The following MIER2 variants were observed in gnomAD, a reference collection of about 807,000 sequenced individuals.
MIER2 encodes MIER family member 2.
MIER2 carries 30 observed loss-of-function variants against 67.6 expected under a neutral mutation model. The ratio of observed to expected loss-of-function variants is 0.44; its 90% CI spans 0.33 to 0.60. The LOEUF is 0.60. Among genes scored for constraint, MIER2 ranks in the 20% least tolerant of loss-of-function variants. The pLI, the probability that MIER2 is intolerant of heterozygous loss-of-function variation, is 0.02. For synonymous variants in MIER2, 372 were observed against 312.6 expected (o/e 1.19, Z -2.00); for missense variants, 702 against 745.1 (o/e 0.94, Z 0.67).
At position 335,423 on chromosome 19, in the gene MIER2, C is replaced by T. The variant is rs11882136; in HGVS notation, c.100+660G>A. ...GGAATGACCTGGAGCTGAATGGGTG[C>T]GCCCGGACCCTCAGTGGCCACCGCA... On this transcript the variant is annotated intron_variant, in intron 2 of 13. Transcript: ENST00000264819. Among the ~76,000 whole-genome samples, 285 of 152,334 alleles carry T rather than the reference C, an allele frequency of 1.9e-3. 1 individual carries two copies. The highest frequency in any genetic ancestry group is 6.1e-3 in the African/African-American group (253 of 41,572).
chr19:344,174 C>A (rs940538951), intron 1 of MIER2: 6 of 985,334 alleles, frequency 6.1e-6, no homozygotes, highest in Non-Finnish European at 7.2e-6. Flanking sequence ...CCGACGCTCT[C>A]TAGGCCCCGG....
rs754078316 is a variant in MIER2 at position 334,545 on chromosome 19, G to A, written c.101-3C>T. ...GTCTCCAGAGCCCATGGACACCACT[G>A]GGGAGAAGAGAGCAGCCCAGGTGAG... On this transcript the variant is annotated splice_polypyrimidine_tract_variant and splice_region_variant and intron_variant, in intron 2 of 13. Transcript: ENST00000264819. 1.9e-5 allele frequency: 30 copies of A among 1,613,306 alleles called. No individual in the cohort carries two copies. The highest frequency in any genetic ancestry group is 5.9e-6 in the Non-Finnish European group (7 of 1,179,898).
rs1463888394 is a variant in MIER2, at chr19:308,675, GA to G, written c.1110-11del. On this transcript the variant is annotated splice_polypyrimidine_tract_variant and intron_variant, in intron 11 of 13. Coordinates refer to ENST00000264819, the MANE Select transcript of MIER2 (RefSeq NM_017550.3). This position sits in a 1 kb window ranked among gnomAD's most constrained non-coding sequence, Gnocchi z 9.1. Reference sequence around the variant, plus strand: ...GTCCTGGTCTGCGTCCCTGTGGGGAGAGGGCGCCATGAGGGGCGGCAGACAG... The same window carrying G: ...GTCCTGGTCTGCGTCCCTGTGGGGAGGGGCGCCATGAGGGGCGGCAGACAG... 6.2e-7 allele frequency: 1 copy of G among 1,600,488 alleles called. No homozygotes were observed. The highest frequency in any genetic ancestry group is 8.5e-7 in the Non-Finnish European group (1 of 1,175,018).
chr19:317,278 A>T (rs1055455718), intron 7 of MIER2, among the ~76,000 whole-genome samples: 4 of 151,994 alleles, frequency 2.6e-5, no homozygotes, highest in Non-Finnish European at 5.9e-5. Flanking sequence ...CTGTAATCCC[A>T]GCACTTTGGG....
intron 7 of MIER2, among the ~76,000 whole-genome samples, chr19:317,001 T>C (rs923820666): frequency 6.6e-6 from 1 of 152,132 alleles, no homozygotes; most frequent in African/African-American, 2.4e-5. Flanking sequence ...AGTCAATAAT[T>C]CATGTTGTAA....
At position 306,536 on chromosome 19, in the gene MIER2, G is replaced by T; in HGVS notation, c.*154C>A. 9.5e-7 allele frequency: 1 copy of T among 1,048,496 alleles called. No individual in the cohort carries two copies. The highest frequency in any genetic ancestry group is 1.4e-6 in the Non-Finnish European group (1 of 715,560). 64.9% of individuals were successfully genotyped at this position (1,048,496 alleles called of 1,614,324 possible). A position where few individuals can be genotyped will look rare whatever the true frequency, so the allele number is the denominator to read the frequency against. On this transcript the variant is annotated 3_prime_UTR_variant, in exon 14 of 14. Transcript: ENST00000264819. Reference sequence around the variant, plus strand: ...GACAGGGGCAAGGGCTCACGGCCCAGCCACCTCACCCCAGTCCTGACGTGT... The same window carrying T: ...GACAGGGGCAAGGGCTCACGGCCCATCCACCTCACCCCAGTCCTGACGTGT...
chr19:343,208 G>C (rs1254911660), intron 1 of MIER2, among the ~76,000 whole-genome samples: 2 of 152,198 alleles, frequency 1.3e-5, no homozygotes, highest in African/African-American at 4.8e-5. Flanking sequence ...CCTAGAGCAG[G>C]GCAGAACAGC....
chr19:334,310 C>G (rs1972144139), intron 3 of MIER2, 90 bp downstream of exon 3: 1 of 1,556,430 alleles, frequency 6.4e-7, no homozygotes, highest in Non-Finnish European at 8.7e-7. Flanking sequence ...TTAGCACTTA[C>G]CAATGTGGAA....
rs1317092654 is a variant in MIER2, at chr19:308,649, G to A, written c.1126C>T (p.Leu376=). 1 of 1,604,742 alleles carries A rather than the reference G, an allele frequency of 6.2e-7. No homozygotes were observed. The stretch of plus-strand genomic sequence containing the variant: ...GGGCCATCGGGGTCGCTGCCATCCA[G>A]GTCCTGGTCTGCGTCCCTGTGGGGA... ...PSGTTDADQD[L]DGSDPDGPGR... Residue 376 remains leucine, a synonymous_variant, in exon 12 of 14, where the codon CTG becomes TTG. Coordinates refer to ENST00000264819, the MANE Select transcript of MIER2 (RefSeq NM_017550.3). This position sits in a 1 kb window ranked among gnomAD's most constrained non-coding sequence, Gnocchi z 9.1.
intron 10 of MIER2, among the ~76,000 whole-genome samples, chr19:309,379 C>T (rs938075110): frequency 6.6e-6 from 1 of 152,118 alleles, no homozygotes; most frequent in Non-Finnish European, 1.5e-5. Flanking sequence ...GCCCCTTCCC[C>T]GGGAGGAAGA....
chr19:323,274 C>A (rs1314586590), intron 7 of MIER2, among the ~76,000 whole-genome samples: 1 of 134,546 alleles, frequency 7.4e-6, no homozygotes, highest in Non-Finnish European at 1.7e-5. Context: ...ACACACACAA[C>A]CACGGCATCC....
At chr19:342,957 G>A (rs1972569965) in intron 1 of MIER2, among the ~76,000 whole-genome samples, 1 of 152,004 alleles carries the variant, frequency 6.6e-6, no homozygotes, top group African/African-American at 2.4e-5. Context: ...GGCTCCTCAC[G>A]CTCAGCACCT....
At chr19:341,435 G>A (rs1194317456) in intron 1 of MIER2, among the ~76,000 whole-genome samples, 1 of 152,196 alleles carries the variant, frequency 6.6e-6, no homozygotes. Flanking sequence ...GGGCAAAGAG[G>A]GAAGCGGCTG....
chr19:307,730 T>C (rs1272261233), intron 12 of MIER2, among the ~76,000 whole-genome samples, 194 bp from the exon 13 acceptor site: 1 of 139,608 alleles, frequency 7.2e-6, no homozygotes, highest in African/African-American at 2.9e-5. Context: ...TAGAAGTAGA[T>C]TTTAGTTCAT....
chr19:326,876 A>C (rs928966075), intron 5 of MIER2: 1 of 586,022 alleles, frequency 1.7e-6, no homozygotes, highest in Non-Finnish European at 2.9e-6. Context: ...CGGTTCTGGG[A>C]ATGCTGTCCC....
At chr19:317,521 T>C (rs951746238) in intron 7 of MIER2, among the ~76,000 whole-genome samples, 4 of 111,810 alleles carry the variant, frequency 3.6e-5, no homozygotes, top group South Asian at 7.0e-4. Context: ...AGCGAGACTC[T>C]GTCTCAGAAA....
chr19:314,685 C>T (rs775515290), intron 7 of MIER2, among the ~76,000 whole-genome samples: 9 of 151,928 alleles, frequency 5.9e-5, no homozygotes, highest in African/African-American at 7.3e-5. Flanking sequence ...TCTCCACAGG[C>T]GACACCTGAG....
chr19:336,230 TCA>T, intron 1 of MIER2, 57 bp from the exon 2 acceptor site: 2 of 1,434,114 alleles, frequency 1.4e-6, no homozygotes, highest in Admixed American at 1.8e-5. Flanking sequence ...CTGCTGGACA[TCA>T]CAGTGTGGCA....
chr19:326,804 C>G, intron 5 of MIER2: 2 of 590,852 alleles, frequency 3.4e-6, no homozygotes, highest in Non-Finnish European at 3.0e-6. Flanking sequence ...GCAGCTGCTG[C>G]ACCTCTGGGC....
Sources: allele counts gnomAD v4.1 joint callset (sites outside exome capture counted in the v4.1 genomes callset), GRCh38; gene constraint gnomAD v4.1.1; non-coding constraint Gnocchi (gnomAD v3.1); transcripts MANE v1.5; gene names NCBI Gene and HGNC (gene_info 2026-07-23, HGNC 2026-07-21).